TRPV4: variants seen among roughly 807,000 people sequenced by gnomAD.
TRPV4 encodes the protein OSM9-like transient receptor potential channel 4.
TRPV4 carries 58 observed loss-of-function variants against 84.1 expected under a neutral mutation model. The ratio of observed to expected loss-of-function variants is 0.69; its 90% CI spans 0.56 to 0.86. The LOEUF (loss-of-function observed/expected upper bound fraction) is 0.86, where lower values mean the gene tolerates loss of function less well. Among genes scored for constraint, TRPV4 ranks in the 40% least tolerant of loss-of-function variants. The pLI is 0.00. For missense variants in TRPV4, 879 were observed against 1,181.1 expected (o/e 0.74, Z 3.75); for synonymous variants, 489 against 500.9 (o/e 0.98, Z 0.32).
In TRPV4 at chr12:109,800,743, T is replaced by C. The variant is rs1377456229; in HGVS notation, c.728A>G (p.His243Arg). Residue 243 changes from histidine to arginine, a missense_variant, in exon 5 of 16, where the codon CAC (histidine) becomes CGC (arginine). Coordinates refer to ENST00000261740, the MANE Select transcript of TRPV4 (RefSeq NM_021625.5). ...DIYYRGQTALHIAIERRCKHY... is the reference protein window; with the variant it reads ...DIYYRGQTALRIAIERRCKHY... ...TTTGCAGCGACGCTCAATGGCGATG[T>C]GCAGGGCTGTCTGACCTGGGGGCAG... 2 of 1,611,698 alleles carry C rather than the reference T, an allele frequency of 1.2e-6. No homozygotes were observed. Among genetic ancestry groups the C allele is most frequent in the Non-Finnish European group, 1.7e-6 (2 of 1,179,444 alleles).
At chr12:109,822,232 C>T (rs1360420812) in intron 1 of TRPV4, among the ~76,000 whole-genome samples, 1 of 151,854 alleles carries the variant, frequency 6.6e-6, no homozygotes, top group African/African-American at 2.4e-5. Flanking sequence ...GGGTTGGAAT[C>T]CATGGGTAGG....
intron 8 of TRPV4, 97 bp from the exon 9 acceptor site, chr12:109,794,119 A>G: frequency 1.7e-6 from 2 of 1,181,374 alleles, no homozygotes; most frequent in Non-Finnish European, 2.5e-6. Flanking sequence ...TCGGCATCCC[A>G]TGGAGCCTCC....
In TRPV4 at chr12:109,800,770, G is replaced by A. The variant is rs752927942; in HGVS notation, c.713-12C>T. The A allele has an allele frequency of 3.1e-6, 5 of 1,612,910 alleles. No individual in the cohort carries two copies. The South Asian group carries it at 4.4e-5, about 14-fold the overall frequency. On this transcript the variant is annotated splice_polypyrimidine_tract_variant and intron_variant, in intron 4 of 15. Coordinates refer to ENST00000261740, the MANE Select transcript of TRPV4 (RefSeq NM_021625.5). The stretch of plus-strand genomic sequence containing the variant: ...CAGGGCTGTCTGACCTGGGGGCAGG[G>A]GACGGTCATCCAGGGTCCTGGCGGA...
At chr12:109,832,094 G>A (rs1470047899) in intron 1 of TRPV4, among the ~76,000 whole-genome samples, 1 of 152,200 alleles carries the variant, frequency 6.6e-6, no homozygotes, top group Non-Finnish European at 1.5e-5. Flanking sequence ...AGCCCTGGGG[G>A]CTTGCCCTCA....
rs535241932 is a variant in TRPV4, at chr12:109,825,139, C to T, written c.-32+8211G>A. 1.8e-4 allele frequency among the ~76,000 whole-genome samples: 28 copies of T among 151,934 alleles called. 1 individual carries two copies. Among genetic ancestry groups the T allele is most frequent in the African/African-American group, 6.5e-4 (27 of 41,414 alleles). ...GGAGGATCGCTTGAGCCCAGGAGTT[C>T]GAGACCAGCCTGGGCAAAATGGTGA... On this transcript the variant is annotated intron_variant, in intron 1 of 15. Transcript: ENST00000261740.
intron 12 of TRPV4, among the ~76,000 whole-genome samples, chr12:109,789,915 T>C (rs1369033436): frequency 6.6e-6 from 1 of 152,238 alleles, no homozygotes; most frequent in Non-Finnish European, 1.5e-5. Context: ...TTATGTCATG[T>C]CAGCCTCAGA....
chr12:109,820,716 G>A (rs1892067929), intron 1 of TRPV4, among the ~76,000 whole-genome samples: 1 of 151,704 alleles, frequency 6.6e-6, no homozygotes, highest in African/African-American at 2.4e-5. Flanking sequence ...GTACAGACGG[G>A]GTTTCATGGT....
At chr12:109,801,214 G>A (rs1890764160) in intron 4 of TRPV4, among the ~76,000 whole-genome samples, 1 of 152,182 alleles carries the variant, frequency 6.6e-6, no homozygotes, top group Non-Finnish European at 1.5e-5. Flanking sequence ...TCCAGAGGCT[G>A]AGGCAGGAGG....
Position 109,798,687 on chromosome 12 carries a change from C to T in TRPV4, c.1079G>A (p.Ser360Asn). The stretch of plus-strand genomic sequence containing the variant: ...GTTGTTGAGCACGGCCTCCAGGTTG[C>T]TGTCGGGGAAGAGGCGGGCACACTT... ...LLKCARLFPD[S>N]NLEAVLNNDG... Residue 360 changes from serine to asparagine, a missense_variant, in exon 6 of 16, where the codon AGC becomes AAC. Ser to Asn is a conservative substitution (Grantham distance 46). This residue lies in a region of TRPV4 where 521 missense variants were observed against 686.6 expected (regional missense o/e 0.76). Coordinates refer to ENST00000261740, the MANE Select transcript of TRPV4 (RefSeq NM_021625.5). The surrounding 1 kb of genome is among the most constrained non-coding windows in gnomAD (Gnocchi z 5.0). The T allele has an allele frequency of 6.2e-7, 1 of 1,613,856 alleles. No individual in the cohort carries two copies. Among genetic ancestry groups the T allele is most frequent in the South Asian group, 1.1e-5 (1 of 91,088 alleles).
At chr12:109,802,050 A>G (rs1460555549) in intron 4 of TRPV4, among the ~76,000 whole-genome samples, 1 of 151,882 alleles carries the variant, frequency 6.6e-6, no homozygotes, top group African/African-American at 2.4e-5. Flanking sequence ...AGAGCCTTAG[A>G]GTATCCGCCA....
intron 12 of TRPV4, among the ~76,000 whole-genome samples, chr12:109,789,836 G>T (rs959783722): frequency 1.3e-5 from 2 of 152,240 alleles, no homozygotes; most frequent in African/African-American, 4.8e-5. Flanking sequence ...CGGAAAAACT[G>T]TTCTGTGATC....
At chr12:109,804,373 G>C (rs1187513532) in intron 3 of TRPV4, among the ~76,000 whole-genome samples, 7 of 152,142 alleles carry the variant, frequency 4.6e-5, no homozygotes, top group Admixed American at 1.3e-4. Context: ...TGCCCGTTCT[G>C]AAGCCAGGCA....
rs1889680878 is a variant in TRPV4 at position 109,786,324 on chromosome 12, T to C, written c.2336+386A>G. ...CCGAGGGCACTAGAGCTCACCCCAC[T>C]GTTTGGTAGATACAGGGTGATGCTC... On this transcript the variant is annotated intron_variant, in intron 14 of 15. Coordinates refer to ENST00000261740, the MANE Select transcript of TRPV4 (RefSeq NM_021625.5). This position sits in a 1 kb window ranked among gnomAD's most constrained non-coding sequence, Gnocchi z 4.5. 6.6e-6 allele frequency among the ~76,000 whole-genome samples: 1 copy of C among 152,164 alleles called. No homozygotes were observed. Among genetic ancestry groups the C allele is most frequent in the Non-Finnish European group, 1.5e-5 (1 of 68,024 alleles).
In TRPV4 at chr12:109,793,505, C is replaced by T. The variant is rs371623092; in HGVS notation, c.1658+22G>A. ...CCCACCTTCCTCACCCAGAAGCTGC[C>T]GGCCCAGGGACCTCTACTCACTAGA... is the stretch of plus-strand genomic sequence containing the variant. On this transcript the variant is annotated intron_variant, in intron 10 of 15. Coordinates refer to ENST00000261740, the MANE Select transcript of TRPV4 (RefSeq NM_021625.5). The surrounding 1 kb of genome is among the most constrained non-coding windows in gnomAD (Gnocchi z 4.0). 20 of 1,607,482 alleles carry T rather than the reference C, an allele frequency of 1.2e-5. No homozygotes were observed. The highest frequency in any genetic ancestry group is 9.9e-5 in the South Asian group (9 of 90,938).
intron 2 of TRPV4, among the ~76,000 whole-genome samples, chr12:109,811,064 T>C (rs558310286): frequency 6.6e-6 from 1 of 152,172 alleles, no homozygotes; most frequent in East Asian, 1.9e-4. Flanking sequence ...CACTCACACT[T>C]CTCTCCACCT....
intron 3 of TRPV4, among the ~76,000 whole-genome samples, chr12:109,803,767 G>T (rs1331930006): frequency 6.6e-6 from 1 of 152,166 alleles, no homozygotes; most frequent in African/African-American, 2.4e-5. Flanking sequence ...CCCTCGAAAA[G>T]ATTTATGTAA....
At position 109,814,493 on chromosome 12, in the gene TRPV4, C is replaced by T. The variant is rs919597814; in HGVS notation, c.304G>A (p.Ala102Thr). The change falls in exon 2 of 16, where the codon GCA becomes ACA. Residue 102 changes from alanine to threonine, a missense_variant. Physicochemically the swap from Ala to Thr is moderately conservative, Grantham distance 58. This residue lies in a region of TRPV4 where 521 missense variants were observed against 686.6 expected (regional missense o/e 0.76). Transcript: ENST00000261740. This position sits in a 1 kb window ranked among gnomAD's most constrained non-coding sequence, Gnocchi z 5.4. ...ESSVVPGPKK[A>T]PMDSLFDYGT... is the part of the protein sequence containing the mutation. ...TAGTCAAACAGTGAGTCCATGGGTGCTTTCTTGGGCCCAGGCACCACCGAG... is the reference window on the plus strand; with the variant it reads ...TAGTCAAACAGTGAGTCCATGGGTGTTTTCTTGGGCCCAGGCACCACCGAG... The T allele has an allele frequency of 2.5e-6, 4 of 1,613,792 alleles. No individual in the cohort carries two copies. The African/African-American group carries it at 4.0e-5, about 16-fold the overall frequency.
chr12:109,794,918 T>A (rs11068312), intron 7 of TRPV4, among the ~76,000 whole-genome samples: 5 of 151,892 alleles, frequency 3.3e-5, no homozygotes, highest in Non-Finnish European at 5.9e-5. Flanking sequence ...CTCCTAAGGC[T>A]GAGGCAGGAG....
chr12:109,806,310 T>C (rs913962473), intron 3 of TRPV4, among the ~76,000 whole-genome samples: 3 of 150,380 alleles, frequency 2.0e-5, no homozygotes, highest in Admixed American at 6.6e-5. Context: ...TTCTCCTGGC[T>C]CAGCTTCCTA....
Sources: gnomAD v4.1 joint callset for allele counts (sites outside exome capture counted in the v4.1 genomes callset) on GRCh38, gnomAD v4.1.1 for gene constraint, gnomAD v4.1.1 regional missense constraint, Gnocchi (gnomAD v3.1) non-coding constraint, MANE v1.5 for transcripts, NCBI Gene and HGNC (gene_info 2026-07-23, HGNC 2026-07-21) for gene names.